The following INIP variants were observed in gnomAD, a reference collection of about 807,000 sequenced individuals.
INIP encodes INTS3 and NABP interacting protein.
A neutral mutation model predicts 14.0 loss-of-function variants in INIP; 9 were observed. That is an observed-to-expected ratio of 0.64 (90% confidence interval 0.39 to 1.12). The LOEUF (loss-of-function observed/expected upper bound fraction) is 1.12, where lower values mean the gene tolerates loss of function less well. INIP is among the 50% of genes most tolerant of loss of function. INIP has a pLI of 0.01. For synonymous variants in INIP, 37 were observed against 41.5 expected (o/e 0.89, Z 0.41); for missense variants, 78 against 122.7 (o/e 0.64, Z 1.72).
At chr9:112,691,167 G>A (rs1171579557) in intron 3 of INIP, among the ~76,000 whole-genome samples, 5 of 152,194 alleles carry the variant, frequency 3.3e-5, no homozygotes, top group African/African-American at 1.2e-4. Context: ...AGAGTGGCCA[G>A]GAATCAGGAT....
At position 112,685,146 on chromosome 9, in the gene INIP, T is replaced by C. The variant is rs973468907; in HGVS notation, c.*2392A>G. 2.0e-5 allele frequency: 3 copies of C among 152,438 alleles called. No individual in the cohort carries two copies. Among genetic ancestry groups the C allele is most frequent in the African/African-American group, 7.2e-5 (3 of 41,418 alleles). 9.4% of individuals were successfully genotyped at this position (152,438 alleles called of 1,614,324 possible). A position where few individuals can be genotyped will look rare whatever the true frequency, so the allele number is the denominator to read the frequency against. ...ACTCTGTTGCCAAGTTGTGCAATCA[T>C]GGCCCACTGCAGCCTCAACCTCCCA... is the stretch of plus-strand genomic sequence containing the variant. On this transcript the variant is annotated 3_prime_UTR_variant, in exon 5 of 5. Transcript: ENST00000374242.
chr9:112,695,683 A>C (rs985768065), intron 2 of INIP, among the ~76,000 whole-genome samples: 3 of 151,020 alleles, frequency 2.0e-5, no homozygotes, highest in African/African-American at 7.3e-5. Flanking sequence ...AACTCTAGTA[A>C]TAGCAGACTC....
intron 2 of INIP, among the ~76,000 whole-genome samples, chr9:112,712,594 T>C (rs1838680205): frequency 6.6e-6 from 1 of 152,062 alleles, no homozygotes; most frequent in South Asian, 2.1e-4. Flanking sequence ...GAAAAAGACA[T>C]AATAAATAAA....
chr9:112,715,310 A>G (rs1372036027), intron 2 of INIP, among the ~76,000 whole-genome samples: 1 of 152,238 alleles, frequency 6.6e-6, no homozygotes, highest in Admixed American at 6.5e-5. Flanking sequence ...AGTCTAGGAC[A>G]TTACTATATA....
At chr9:112,715,173 C>T (rs577448707) in intron 2 of INIP, among the ~76,000 whole-genome samples, 18 of 134,202 alleles carry the variant, frequency 1.3e-4, no homozygotes, top group South Asian at 1.1e-3. Context: ...CACACACACA[C>T]ACACACGGTT....
At chr9:112,708,402 A>G (rs1838548391) in intron 2 of INIP, among the ~76,000 whole-genome samples, 1 of 152,202 alleles carries the variant, frequency 6.6e-6, no homozygotes, top group African/African-American at 2.4e-5. Flanking sequence ...AGCTAGAGAT[A>G]ATAAAAGTTT....
rs547467834 is a variant in INIP at position 112,684,037 on chromosome 9, A to G, written c.*3501T>C. ...TTTTTTTGCCATAACTCACAGTAAA[A>G]AAAAATACATTTTATATTGCAACTC... On this transcript the variant is annotated 3_prime_UTR_variant, in exon 5 of 5. Coordinates refer to ENST00000374242, the MANE Select transcript of INIP (RefSeq NM_021218.3). The G allele has an allele frequency of 6.6e-6, 1 of 152,248 alleles. No individual in the cohort carries two copies. Among genetic ancestry groups the G allele is most frequent in the Admixed American group, 6.5e-5 (1 of 15,286 alleles). 9.4% of individuals were successfully genotyped at this position (152,248 alleles called of 1,614,324 possible).
At chr9:112,687,660 A>G in intron 4 of INIP, 27 bp from the exon 5 acceptor site, 1 of 1,358,614 alleles carries the variant, frequency 7.4e-7, no homozygotes, top group South Asian at 1.4e-5. Flanking sequence ...ACAAAAAGGC[A>G]ATTAAGCTAT....
chr9:112,696,617 C>T (rs1361024060), intron 2 of INIP, among the ~76,000 whole-genome samples: 2 of 152,124 alleles, frequency 1.3e-5, no homozygotes, highest in African/African-American at 4.8e-5. Context: ...CAAGACTGCT[C>T]GCCACTTCAG....
At chr9:112,711,211 A>G (rs1838639590) in intron 2 of INIP, among the ~76,000 whole-genome samples, 2 of 152,038 alleles carry the variant, frequency 1.3e-5, no homozygotes, top group South Asian at 4.2e-4. Context: ...AAAATACAAT[A>G]GATCTGAATA....
chr9:112,717,800 C>T (rs1418620507), intron 1 of INIP, among the ~76,000 whole-genome samples, 187 bp downstream of exon 1: 1 of 152,172 alleles, frequency 6.6e-6, no homozygotes, highest in Non-Finnish European at 1.5e-5. Flanking sequence ...AGGTCCCTGC[C>T]TACGGATGTG....
intron 2 of INIP, among the ~76,000 whole-genome samples, chr9:112,700,688 A>T (rs1156810058): frequency 6.6e-6 from 1 of 151,680 alleles, no homozygotes; most frequent in African/African-American, 2.4e-5. Context: ...TCAACTTTTT[A>T]AAAAATTACA....
At chr9:112,714,100 A>C (rs981563966) in intron 2 of INIP, among the ~76,000 whole-genome samples, 1 of 152,228 alleles carries the variant, frequency 6.6e-6, no homozygotes, top group Non-Finnish European at 1.5e-5. Context: ...ATGAATAAAC[A>C]AAATGTGATA....
At chr9:112,710,618 C>CCCTTT (rs1208768002) in intron 2 of INIP, among the ~76,000 whole-genome samples, 1 of 152,160 alleles carries the variant, frequency 6.6e-6, no homozygotes, top group African/African-American at 2.4e-5. Context: ...TGAAATTTAG[C>CCCTTT]AGTCCTGATT....
chr9:112,694,205 G>T lies in INIP; in HGVS notation c.54C>A (p.Ile18=), dbSNP rs766839667. 1 of 1,609,678 alleles carries T rather than the reference G, an allele frequency of 6.2e-7. No individual in the cohort carries two copies. Among genetic ancestry groups the T allele is most frequent in the African/African-American group, 1.3e-5 (1 of 74,606 alleles). The change falls in exon 3 of 5, where the codon ATC becomes ATA. Residue 18 remains isoleucine, a synonymous_variant. Transcript: ENST00000374242. The stretch of plus-strand genomic sequence containing the variant: ...TTTTCTCTTTGTCCAGTTCTGCCAA[G>T]ATTGCAACTCTATTTTTGTTTTGAA... The part of the protein sequence containing the change: ...QGFQNKNRVA[I]LAELDKEKRK...
At position 112,689,517 on chromosome 9, in the gene INIP, C is replaced by T; in HGVS notation, c.219+10G>A. 1 of 1,612,192 alleles carries T rather than the reference C, an allele frequency of 6.2e-7. No homozygotes were observed. Among genetic ancestry groups the T allele is most frequent in the Non-Finnish European group, 8.5e-7 (1 of 1,178,270 alleles). On this transcript the variant is annotated intron_variant, in intron 4 of 4. Transcript: ENST00000374242. Reference sequence around the variant, plus strand: ...TCCACCGAGGCAAGAATGTCAGTTACACTGCTCACCTGCAAAGCTGCCTTC... The same window carrying T: ...TCCACCGAGGCAAGAATGTCAGTTATACTGCTCACCTGCAAAGCTGCCTTC...
rs182972946 is a variant in INIP at position 112,691,731 on chromosome 9, C to A, written c.129-2114G>T. On this transcript the variant is annotated intron_variant, in intron 3 of 4. Transcript: ENST00000374242. The stretch of plus-strand genomic sequence containing the variant: ...AAGAGAGTACTTTAAGAGAGTGGGC[C>A]GGGTGCAGCGGCTCACGCCTGTAAT... 3.3e-4 allele frequency among the ~76,000 whole-genome samples: 50 copies of A among 152,264 alleles called. 1 individual carries two copies. Among genetic ancestry groups the A allele is most frequent in the African/African-American group, 1.1e-3 (44 of 41,556 alleles).
At chr9:112,714,499 G>A (rs1471877754) in intron 2 of INIP, among the ~76,000 whole-genome samples, 2 of 152,152 alleles carry the variant, frequency 1.3e-5, no homozygotes, top group African/African-American at 4.8e-5. Flanking sequence ...TGTCTGACTT[G>A]ATTTGTTTTG....
chr9:112,699,464 CAGAG>C (rs972131396), intron 2 of INIP, among the ~76,000 whole-genome samples: 35 of 151,712 alleles, frequency 2.3e-4, no homozygotes, highest in African/African-American at 8.2e-4. Context: ...ATAAGATATT[CAGAG>C]AGAGAGAGAG....
Sources: gnomAD v4.1 joint callset for allele counts (sites outside exome capture counted in the v4.1 genomes callset) on GRCh38, gnomAD v4.1.1 for gene constraint, MANE v1.5 for transcripts, NCBI Gene and HGNC (gene_info 2026-07-23, HGNC 2026-07-21) for gene names.